Variants in MACROD2 observed in about 807,000 individuals in gnomAD.
MACROD2 encodes mono-ADP ribosylhydrolase 2, also known as ADP-ribose glycohydrolase MACROD2.
In MACROD2, 36 loss-of-function variants were observed where a neutral mutation model predicts 70.4. That is an observed-to-expected ratio of 0.51 (90% CI 0.39 to 0.68). MACROD2 has a LOEUF of 0.68. MACROD2 is among the 30% of genes least tolerant of loss of function. The pLI, the probability that MACROD2 is intolerant of heterozygous loss-of-function variation, is 0.00. For missense variants in MACROD2, 496 were observed against 538.4 expected (o/e 0.92, Z 0.78); for synonymous variants, 172 against 178.8 (o/e 0.96, Z 0.30).
At chr20:15,565,004 A>G (rs2048292426) in intron 8 of MACROD2, among the ~76,000 whole-genome samples, 1 of 152,182 alleles carries the variant, frequency 6.6e-6, no homozygotes, top group Non-Finnish European at 1.5e-5. Context: ...TGGCAAATGT[A>G]CTGGATCCAT....
chr20:14,233,378 C>CA, intron 3 of MACROD2, among the ~76,000 whole-genome samples: 1 of 152,102 alleles, frequency 6.6e-6, no homozygotes, highest in Middle Eastern at 3.4e-3. Flanking sequence ...ATGAGGTATG[C>CA]CTGACTTATT....
At chr20:14,404,039 A>T (rs2083666041) in intron 3 of MACROD2, among the ~76,000 whole-genome samples, 1 of 152,156 alleles carries the variant, frequency 6.6e-6, no homozygotes, top group Non-Finnish European at 1.5e-5. Flanking sequence ...ACTATAATAA[A>T]TTGAAAGTAT....
chr20:15,781,874 T>TA (rs1166063354), intron 8 of MACROD2, among the ~76,000 whole-genome samples: 1 of 151,978 alleles, frequency 6.6e-6, no homozygotes, highest in African/African-American at 2.4e-5. Flanking sequence ...TAAAGGAACA[T>TA]ATATGCAAAG....
chr20:14,196,404 A>T (rs2081432950), intron 3 of MACROD2, among the ~76,000 whole-genome samples: 1 of 152,186 alleles, frequency 6.6e-6, no homozygotes, highest in South Asian at 2.1e-4. Context: ...TGAGGCAGTA[A>T]AAGAGTAGGT....
At chr20:14,886,686 T>A (rs2073680173) in intron 5 of MACROD2, among the ~76,000 whole-genome samples, 1 of 152,148 alleles carries the variant, frequency 6.6e-6, no homozygotes, top group Admixed American at 6.5e-5. Context: ...AGGGTATCAA[T>A]AAGTATGATT....
chr20:14,151,811 CTTTTTTTTTTTTTTTTT>C (rs144065987), intron 3 of MACROD2, among the ~76,000 whole-genome samples: 3 of 59,216 alleles, frequency 5.1e-5, no homozygotes, highest in African/African-American at 2.1e-4. Flanking sequence ...TGTATTGTAT[CTTTTTTTTTTTTTTTTT>C]TTTTTTTTTT....
At chr20:15,641,696 T>A (rs1600703723) in intron 8 of MACROD2, among the ~76,000 whole-genome samples, 1 of 152,312 alleles carries the variant, frequency 6.6e-6, no homozygotes, top group African/African-American at 2.4e-5. Flanking sequence ...CATATATGTT[T>A]TAGAGGCAAT....
intron 6 of MACROD2, among the ~76,000 whole-genome samples, chr20:15,390,597 A>G (rs1161366746): frequency 6.6e-6 from 1 of 152,118 alleles, no homozygotes; most frequent in African/African-American, 2.4e-5. Context: ...AATTAAATGG[A>G]TATCTATTAC....
chr20:14,521,108 C>T (rs2085164923), intron 4 of MACROD2, among the ~76,000 whole-genome samples: 1 of 152,168 alleles, frequency 6.6e-6, no homozygotes. Flanking sequence ...CTATTTTTCC[C>T]CAAGCAAAAT....
chr20:14,924,616 C>T (rs2074206443), intron 5 of MACROD2, among the ~76,000 whole-genome samples: 1 of 151,986 alleles, frequency 6.6e-6, no homozygotes, highest in Non-Finnish European at 1.5e-5. Context: ...GCAGAGTAAA[C>T]AATCACCCTT....
At chr20:15,323,947 A>G (rs2077899477) in intron 6 of MACROD2, among the ~76,000 whole-genome samples, 1 of 152,054 alleles carries the variant, frequency 6.6e-6, no homozygotes, top group African/African-American at 2.4e-5. Flanking sequence ...ACTTTATTTT[A>G]AATAATACAT....
intron 6 of MACROD2, among the ~76,000 whole-genome samples, chr20:15,304,633 C>A (rs985961446): frequency 6.6e-6 from 1 of 152,200 alleles, no homozygotes; most frequent in African/African-American, 2.4e-5. Flanking sequence ...TCAGCACCAG[C>A]TCATATTCCT....
Position 16,051,379 on chromosome 20 carries a change from T to A in MACROD2, c.*1503T>A. 6.6e-6 allele frequency: 1 copy of A among 152,228 alleles called. No individual in the cohort carries two copies. Among genetic ancestry groups the A allele is most frequent in the East Asian group, 1.9e-4 (1 of 5,206 alleles). The allele number at this position is 152,228 out of a possible 1,614,324, so 9.4% of individuals were successfully genotyped here. On this transcript the variant is annotated 3_prime_UTR_variant, in exon 18 of 18. Coordinates refer to ENST00000684519, the MANE Select transcript of MACROD2 (RefSeq NM_001351661.2). ...TGATGGAAAATTCATCTTATCTTCC[T>A]ATGACTTTGGTTTTAGCCTTTCTGA...
chr20:15,677,796 C>T (rs201217), intron 8 of MACROD2, among the ~76,000 whole-genome samples: 18,459 of 152,130 alleles, frequency 0.12, 2,484 homozygotes, highest in African/African-American at 0.33. Context: ...TGGCCAGGCG[C>T]GGTGGCTCAC....
intron 6 of MACROD2, among the ~76,000 whole-genome samples, chr20:15,343,422 G>A (rs966353290): frequency 6.6e-6 from 1 of 152,150 alleles, no homozygotes; most frequent in Non-Finnish European, 1.5e-5. Flanking sequence ...CCAGATATAA[G>A]TAAGGCAGTG....
intron 5 of MACROD2, among the ~76,000 whole-genome samples, chr20:14,979,301 G>T (rs917004584): frequency 6.6e-6 from 1 of 151,858 alleles, no homozygotes; most frequent in Non-Finnish European, 1.5e-5. Flanking sequence ...AATAAAATTT[G>T]TAAAATTTTT....
At chr20:14,752,061 C>G (rs916720605) in intron 5 of MACROD2, among the ~76,000 whole-genome samples, 1 of 150,992 alleles carries the variant, frequency 6.6e-6, no homozygotes, top group Admixed American at 6.6e-5. Context: ...TTTCTCAAGA[C>G]CTGGTACCAC....
intron 8 of MACROD2, among the ~76,000 whole-genome samples, chr20:15,831,585 A>T (rs796157684): frequency 6.6e-6 from 1 of 152,124 alleles, no homozygotes; most frequent in African/African-American, 2.4e-5. Flanking sequence ...CATCCTCCTG[A>T]CTGCTTCAGC....
chr20:15,616,464 C>A (rs2049041010), intron 8 of MACROD2, among the ~76,000 whole-genome samples: 2 of 152,122 alleles, frequency 1.3e-5, no homozygotes, highest in Admixed American at 1.3e-4. Flanking sequence ...AAGAAGAGTT[C>A]CTTTACATTT....
Sources: allele counts gnomAD v4.1 joint callset (sites outside exome capture counted in the v4.1 genomes callset), GRCh38; gene constraint gnomAD v4.1.1; transcripts MANE v1.5; gene names NCBI Gene and HGNC (gene_info 2026-07-23, HGNC 2026-07-21).